The following RBFOX1 variants were observed in gnomAD, a reference collection of about 807,000 sequenced individuals.
The protein encoded by RBFOX1 is RNA binding fox-1 homolog 1, also known as RNA binding protein fox-1 homolog 1.
RBFOX1 carries 8 observed loss-of-function variants against 57.7 expected under a neutral mutation model. That is an observed-to-expected ratio of 0.14 (90% CI 0.08 to 0.25). The LOEUF (loss-of-function observed/expected upper bound fraction) is 0.25, where lower values mean the gene tolerates loss of function less well. Ranked by LOEUF, RBFOX1 falls within the 10% of genes least tolerant of loss-of-function variation. The probability of loss-of-function intolerance (pLI) is 1.00; values close to 1 mark genes in which losing one functional copy is unlikely to be tolerated. For missense variants in RBFOX1, 611 were observed against 548.5 expected (o/e 1.11, Z -1.14); for synonymous variants, 326 against 222.4 (o/e 1.47, Z -4.15).
chr16:7,381,304 C>T (rs908260401), intron 4 of RBFOX1, among the ~76,000 whole-genome samples: 5 of 152,046 alleles, frequency 3.3e-5, no homozygotes, highest in African/African-American at 1.2e-4. Flanking sequence ...ATAATATTGC[C>T]TTATTGTGCA....
At chr16:5,814,893 C>T (rs1386115180) in intron 3 of RBFOX1, among the ~76,000 whole-genome samples, 1 of 151,940 alleles carries the variant, frequency 6.6e-6, no homozygotes, top group Non-Finnish European at 1.5e-5. Context: ...TGCGCCACTG[C>T]AGTCCGCAGT....
chr16:7,258,644 A>G (rs2094794175), intron 4 of RBFOX1, among the ~76,000 whole-genome samples: 2 of 152,298 alleles, frequency 1.3e-5, no homozygotes, highest in South Asian at 2.1e-4. Flanking sequence ...CCTGTACTAT[A>G]TTATTTTACT....
intron 3 of RBFOX1, among the ~76,000 whole-genome samples, chr16:6,927,947 T>G (rs926647742): frequency 1.3e-5 from 2 of 152,194 alleles, no homozygotes; most frequent in Non-Finnish European, 2.9e-5. Flanking sequence ...GTCATAATCT[T>G]GAAGGTAGTT....
chr16:5,284,398 T>G (rs1230335827), intron 1 of RBFOX1, among the ~76,000 whole-genome samples: 4 of 152,172 alleles, frequency 2.6e-5, no homozygotes, highest in Non-Finnish European at 5.9e-5. Flanking sequence ...TATCAGAGAG[T>G]TTTATACTTT....
chr16:6,836,702 T>C (rs1441206504), intron 3 of RBFOX1, among the ~76,000 whole-genome samples: 5 of 152,332 alleles, frequency 3.3e-5, no homozygotes, highest in African/African-American at 1.2e-4. Context: ...TGGACTATGA[T>C]AGCTCCCTTG....
At chr16:6,793,568 C>G (rs1432283312) in intron 3 of RBFOX1, among the ~76,000 whole-genome samples, 8 of 152,118 alleles carry the variant, frequency 5.3e-5, no homozygotes, top group Admixed American at 2.6e-4. Flanking sequence ...AATTCTTGGC[C>G]CTTCCCTCTG....
At chr16:6,365,835 T>G (rs1030284616) in intron 2 of RBFOX1, among the ~76,000 whole-genome samples, 13 of 152,198 alleles carry the variant, frequency 8.5e-5, no homozygotes, top group African/African-American at 3.1e-4. Context: ...GTTGAGAGAA[T>G]TAAAAGATAT....
chr16:7,697,443 G>T (rs1216749007), intron 14 of RBFOX1, among the ~76,000 whole-genome samples: 2 of 152,118 alleles, frequency 1.3e-5, no homozygotes, highest in African/African-American at 4.8e-5. Context: ...GGGCTTTGCT[G>T]AACTCTCCAA....
intron 1 of RBFOX1, among the ~76,000 whole-genome samples, chr16:6,093,320 G>C (rs961175843): frequency 6.6e-6 from 1 of 151,954 alleles, no homozygotes; most frequent in African/African-American, 2.4e-5. Context: ...GCACCTGTAG[G>C]CACATCTACT....
chr16:6,855,618 A>C (rs1401988966), intron 3 of RBFOX1, among the ~76,000 whole-genome samples: 3 of 143,876 alleles, frequency 2.1e-5, no homozygotes, highest in Admixed American at 7.1e-5. Flanking sequence ...GCACCACTTC[A>C]CTCCAGCCTG....
chr16:5,637,097 A>G, intron 3 of RBFOX1, among the ~76,000 whole-genome samples: 1 of 152,212 alleles, frequency 6.6e-6, no homozygotes, highest in African/African-American at 2.4e-5. Context: ...CATCATTAGC[A>G]GTTTCTGAGC....
chr16:7,269,148 G>T (rs2095255595), intron 4 of RBFOX1, among the ~76,000 whole-genome samples: 1 of 146,124 alleles, frequency 6.8e-6, no homozygotes, highest in Admixed American at 6.9e-5. Context: ...AAATATTAAA[G>T]ATTCTTAAAC....
chr16:5,312,647 A>G (rs1029163118), intron 1 of RBFOX1, among the ~76,000 whole-genome samples: 7 of 152,224 alleles, frequency 4.6e-5, no homozygotes, highest in African/African-American at 1.7e-4. Context: ...TATGGGATCC[A>G]TTAGGCTCAT....
At chr16:7,698,772 C>T (rs1310087204) in intron 14 of RBFOX1, among the ~76,000 whole-genome samples, 4 of 152,010 alleles carry the variant, frequency 2.6e-5, no homozygotes, top group Non-Finnish European at 5.9e-5. Flanking sequence ...AGCTAAGGGG[C>T]CATATAAGCA....
At chr16:7,320,789 TTAAG>T (rs1306266569) in intron 4 of RBFOX1, among the ~76,000 whole-genome samples, 1 of 152,230 alleles carries the variant, frequency 6.6e-6, no homozygotes, top group Non-Finnish European at 1.5e-5. Flanking sequence ...AAAGAATATT[TTAAG>T]TATGTGGTTA....
chr16:7,488,620 TCTA>T (rs1299232258), intron 4 of RBFOX1, among the ~76,000 whole-genome samples: 4 of 152,218 alleles, frequency 2.6e-5, no homozygotes, highest in East Asian at 1.9e-4. Flanking sequence ...TACACACCTA[TCTA>T]CTATTTACCT....
chr16:6,873,071 A>C (rs1266793419), intron 3 of RBFOX1, among the ~76,000 whole-genome samples: 2 of 152,090 alleles, frequency 1.3e-5, no homozygotes, highest in East Asian at 3.9e-4. Flanking sequence ...AAGCCACCCA[A>C]ACTTCTGAAA....
chr16:7,569,040 T>G (rs1385887747), intron 5 of RBFOX1, among the ~76,000 whole-genome samples: 1 of 152,132 alleles, frequency 6.6e-6, no homozygotes, highest in Non-Finnish European at 1.5e-5. Context: ...GAAGACTTTC[T>G]TTCTCTACTT....
At chr16:6,560,233 A>G (rs574489415) in intron 2 of RBFOX1, among the ~76,000 whole-genome samples, 7 of 151,984 alleles carry the variant, frequency 4.6e-5, no homozygotes, top group African/African-American at 7.3e-5. Context: ...GTTGGGGGGA[A>G]AAACAATGAA....
Sources: gnomAD v4.1 joint callset for allele counts (sites outside exome capture counted in the v4.1 genomes callset) on GRCh38, gnomAD v4.1.1 for gene constraint, MANE v1.5 for transcripts, NCBI Gene and HGNC (gene_info 2026-07-23, HGNC 2026-07-21) for gene names.